Variants in MAGI2 observed in about 807,000 individuals in gnomAD.
The protein encoded by MAGI2 is membrane associated guanylate kinase, WW and PDZ domain containing 2.
A neutral mutation model predicts 133.3 loss-of-function variants in MAGI2; 35 were observed. The ratio of observed to expected loss-of-function variants is 0.26; its 90% confidence interval spans 0.20 to 0.35. The LOEUF (loss-of-function observed/expected upper bound fraction) is 0.35. Among genes scored for constraint, MAGI2 ranks in the 10% least tolerant of loss-of-function variants. The pLI is 1.00. For missense variants in MAGI2, 1,636 were observed against 1,863.4 expected (o/e 0.88, Z 2.25); for synonymous variants, 729 against 710.6 (o/e 1.03, Z -0.41).
chr7:79,049,160 AG>A (rs1195201440), intron 1 of MAGI2, among the ~76,000 whole-genome samples: 7 of 152,196 alleles, frequency 4.6e-5, no homozygotes, highest in Non-Finnish European at 1.0e-4. Context: ...CATGATTAAA[AG>A]TGTGGATAAA....
At chr7:78,682,016 A>G (rs1815724165) in intron 2 of MAGI2, among the ~76,000 whole-genome samples, 1 of 148,248 alleles carries the variant, frequency 6.7e-6, no homozygotes, top group Non-Finnish European at 1.5e-5. Context: ...CTGTAATCCT[A>G]CAATTTTTTT....
At chr7:79,306,615 C>T (rs1398861797) in intron 1 of MAGI2, among the ~76,000 whole-genome samples, 7 of 151,806 alleles carry the variant, frequency 4.6e-5, no homozygotes, top group Non-Finnish European at 7.4e-5. Flanking sequence ...TTTTTTCTTT[C>T]GTTTTTGCAT....
chr7:79,085,229 T>C (rs1816383425), intron 1 of MAGI2, among the ~76,000 whole-genome samples: 1 of 151,814 alleles, frequency 6.6e-6, no homozygotes, highest in South Asian at 2.1e-4. Context: ...GTTAACTAGT[T>C]CTTTCTTCTG....
intron 1 of MAGI2, among the ~76,000 whole-genome samples, chr7:79,101,723 C>CAATAAAAA (rs1817995360): frequency 8.9e-6 from 1 of 112,782 alleles, no homozygotes; most frequent in African/African-American, 3.7e-5. Context: ...GACTCTGTCA[C>CAATAAAAA]AAAAAAAAAA....
intron 1 of MAGI2, among the ~76,000 whole-genome samples, chr7:79,222,024 T>C (rs370014202): frequency 6.6e-6 from 1 of 152,168 alleles, no homozygotes; most frequent in East Asian, 1.9e-4. Context: ...AAGGGTATAA[T>C]ACCATCTTGT....
chr7:78,254,283 T>TA (rs1410632295), intron 10 of MAGI2: 12 of 152,308 alleles, frequency 7.9e-5, no homozygotes, highest in South Asian at 6.2e-4. Context: ...AAGCTGTATA[T>TA]AAAAAATGCA....
chr7:78,258,208 C>T (rs17150416), intron 9 of MAGI2, among the ~76,000 whole-genome samples: 2,265 of 152,190 alleles, frequency 0.015, 35 homozygotes, highest in East Asian at 0.038. Flanking sequence ...GTCCACGGCT[C>T]AGAACTGAAT....
chr7:78,490,559 G>A (rs1793505598), intron 5 of MAGI2, among the ~76,000 whole-genome samples: 1 of 152,062 alleles, frequency 6.6e-6, no homozygotes, highest in South Asian at 2.1e-4. Context: ...TCTTAAAGTA[G>A]TGTTTTTTAA....
intron 9 of MAGI2, among the ~76,000 whole-genome samples, chr7:78,308,664 T>C (rs1159550511): frequency 2.0e-5 from 3 of 152,142 alleles, no homozygotes; most frequent in Admixed American, 2.0e-4. Flanking sequence ...ATATTCACAC[T>C]GAAGTCCACG....
intron 2 of MAGI2, among the ~76,000 whole-genome samples, chr7:78,712,332 T>C (rs556274302): frequency 6.6e-6 from 1 of 152,208 alleles, no homozygotes; most frequent in Non-Finnish European, 1.5e-5. Flanking sequence ...CACAGCAGGG[T>C]GTCTTCAGAA....
intron 2 of MAGI2, among the ~76,000 whole-genome samples, chr7:78,887,921 C>G (rs1387492136): frequency 1.3e-5 from 2 of 152,212 alleles, no homozygotes; most frequent in African/African-American, 4.8e-5. Flanking sequence ...TGAGCCATAG[C>G]AGGGTGAGCC....
At chr7:78,262,274 T>C (rs2150964532) in intron 9 of MAGI2, among the ~76,000 whole-genome samples, 1 of 152,308 alleles carries the variant, frequency 6.6e-6, no homozygotes, top group East Asian at 1.9e-4. Context: ...AAAAATTCCT[T>C]CGTTAGAAGA....
chr7:78,079,229 T>G, intron 20 of MAGI2, 144 bp from the exon 21 acceptor site: 1 of 749,702 alleles, frequency 1.3e-6, no homozygotes, highest in Non-Finnish European at 2.3e-6. Flanking sequence ...GAAGAGGCTA[T>G]TCCCTGGCTG....
intron 9 of MAGI2, among the ~76,000 whole-genome samples, chr7:78,266,666 C>T (rs1172630596): frequency 6.6e-6 from 1 of 152,058 alleles, no homozygotes; most frequent in Non-Finnish European, 1.5e-5. Context: ...CAACCTCCAC[C>T]TCCCGGGTTC....
intron 2 of MAGI2, among the ~76,000 whole-genome samples, chr7:78,887,051 A>T (rs888266247): frequency 1.3e-5 from 2 of 152,116 alleles, no homozygotes; most frequent in Non-Finnish European, 2.9e-5. Flanking sequence ...TTCAGCCATA[A>T]TTGTAAGTTT....
chr7:79,127,686 A>T (rs941934687), intron 1 of MAGI2, among the ~76,000 whole-genome samples: 8 of 152,094 alleles, frequency 5.3e-5, no homozygotes, highest in African/African-American at 1.9e-4. Flanking sequence ...TTCATTGTAG[A>T]TTCTGGTTAT....
chr7:78,984,167 T>C lies in MAGI2; in HGVS notation c.418+22923A>G, dbSNP rs149501142. Among the ~76,000 whole-genome samples the C allele has an allele frequency of 2.6e-3, 398 of 152,046 alleles. 2 individuals are homozygous for C. The highest frequency in any genetic ancestry group is 9.0e-3 in the African/African-American group (372 of 41,530). On this transcript the variant is annotated intron_variant, in intron 2 of 21. Transcript: ENST00000354212. ...CCATCAGGATGTCTTTCACAATTTA[T>C]CCAAAATCTGACCACCTCCACTGTT... is the stretch of plus-strand genomic sequence containing the variant.
intron 1 of MAGI2, among the ~76,000 whole-genome samples, chr7:79,043,634 C>T (rs181276858): frequency 4.0e-5 from 6 of 149,242 alleles, no homozygotes; most frequent in Admixed American, 2.7e-4. Context: ...AGAATAAGAT[C>T]GATAAACTGC....
chr7:78,589,870 C>T (rs1196590580), intron 3 of MAGI2, among the ~76,000 whole-genome samples: 1 of 152,092 alleles, frequency 6.6e-6, no homozygotes, highest in East Asian at 1.9e-4. Context: ...GTACAACAAG[C>T]AGGTTATTAT....
Sources: gnomAD v4.1 joint callset for allele counts (sites outside exome capture counted in the v4.1 genomes callset) on GRCh38, gnomAD v4.1.1 for gene constraint, MANE v1.5 for transcripts, NCBI Gene and HGNC (gene_info 2026-07-23, HGNC 2026-07-21) for gene names.